The following KIF26B variants were observed in gnomAD, a reference collection of about 807,000 sequenced individuals.
KIF26B encodes kinesin family member 26B.
KIF26B carries 63 observed loss-of-function variants against 151.2 expected under a neutral mutation model. That is an observed-to-expected ratio of 0.42 (90% CI 0.34 to 0.51). KIF26B has a LOEUF of 0.51. Ranked by LOEUF, KIF26B falls within the 20% of genes least tolerant of loss-of-function variation. The probability of loss-of-function intolerance (pLI) is 0.07; values close to 1 mark genes in which losing one functional copy is unlikely to be tolerated. For synonymous variants in KIF26B, 1,357 were observed against 1,262.1 expected (o/e 1.08, Z -1.59); for missense variants, 2,813 against 2,913.6 (o/e 0.97, Z 0.79).
intron 4 of KIF26B, among the ~76,000 whole-genome samples, chr1:245,475,964 C>T (rs529368156): frequency 6.6e-6 from 1 of 151,972 alleles, no homozygotes; most frequent in South Asian, 2.1e-4. Flanking sequence ...CACGAATGTT[C>T]ATGGCAGCGT....
At chr1:245,225,504 A>G (rs1043381447) in intron 2 of KIF26B, among the ~76,000 whole-genome samples, 1 of 152,246 alleles carries the variant, frequency 6.6e-6, no homozygotes, top group Admixed American at 6.5e-5. Flanking sequence ...GCCGTGTCAG[A>G]GAAGAGGAAT....
chr1:245,155,912 T>G (rs2103514660), intron 1 of KIF26B, among the ~76,000 whole-genome samples: 1 of 150,448 alleles, frequency 6.6e-6, no homozygotes, highest in Non-Finnish European at 1.5e-5. Context: ...ACCCCCCCCA[T>G]AGGGTCTTCC....
chr1:245,572,551 C>T lies in KIF26B; in HGVS notation c.1351-30026C>T, dbSNP rs1337342576. 1.3e-5 allele frequency among the ~76,000 whole-genome samples: 2 copies of T among 152,134 alleles called. No individual in the cohort carries two copies. Among genetic ancestry groups the T allele is most frequent in the East Asian group, 1.9e-4 (1 of 5,192 alleles). ...TCCCGGTGAACACTCAGTTAAAATT[C>T]CTACTCGCTGCAGTGGGAAATTTTA... On this transcript the variant is annotated intron_variant, in intron 5 of 14. Coordinates refer to ENST00000407071, the MANE Select transcript of KIF26B (RefSeq NM_018012.4). This position sits in a 1 kb window ranked among gnomAD's most constrained non-coding sequence, Gnocchi z 4.2.
At chr1:245,220,637 C>T (rs1281414391) in intron 2 of KIF26B, among the ~76,000 whole-genome samples, 1 of 152,150 alleles carries the variant, frequency 6.6e-6, no homozygotes, top group Non-Finnish European at 1.5e-5. Context: ...GGTTGAGATC[C>T]ATTCTTTAAG....
At chr1:245,480,826 G>C (rs1282744242) in intron 4 of KIF26B, among the ~76,000 whole-genome samples, 1 of 149,552 alleles carries the variant, frequency 6.7e-6, no homozygotes, top group Non-Finnish European at 1.5e-5. Flanking sequence ...AGTTTGGATA[G>C]AAACCCTTAG....
intron 4 of KIF26B, among the ~76,000 whole-genome samples, chr1:245,445,395 A>G (rs774767435): frequency 4.6e-5 from 7 of 152,238 alleles, no homozygotes; most frequent in Non-Finnish European, 1.0e-4. Flanking sequence ...CTTTAGAGAT[A>G]TAGACTAAAA....
intron 10 of KIF26B, among the ~76,000 whole-genome samples, chr1:245,678,951 A>G (rs1243936409): frequency 1.3e-5 from 2 of 151,870 alleles, no homozygotes; most frequent in Non-Finnish European, 2.9e-5. Flanking sequence ...GTGTGCCTAC[A>G]GTTCATGTGC....
rs1021267406 is a variant in KIF26B, at chr1:245,239,083, G to C, written c.465+82400G>C. ...GCAAGAGTTGTATTTTCTGCCTCAC[G>C]TCGCTGTCCTTCTCCCAGCCCATTC... On this transcript the variant is annotated intron_variant, in intron 2 of 14. Coordinates refer to ENST00000407071, the MANE Select transcript of KIF26B (RefSeq NM_018012.4). This position sits in a 1 kb window ranked among gnomAD's most constrained non-coding sequence, Gnocchi z 4.3. Among the ~76,000 whole-genome samples, 1 of 152,068 alleles carries C rather than the reference G, an allele frequency of 6.6e-6. No homozygotes were observed. The highest frequency in any genetic ancestry group is 1.5e-5 in the Non-Finnish European group (1 of 68,020).
At position 245,238,148 on chromosome 1, in the gene KIF26B, C is replaced by T. The variant is rs183834633; in HGVS notation, c.465+81465C>T. 2.9e-4 allele frequency among the ~76,000 whole-genome samples: 44 copies of T among 152,214 alleles called. No homozygotes were observed. In the East Asian group the frequency reaches 7.0e-3, roughly 24 times the overall value. On this transcript the variant is annotated intron_variant, in intron 2 of 14. Coordinates refer to ENST00000407071, the MANE Select transcript of KIF26B (RefSeq NM_018012.4). ...AGGAGTTCAAGACCAGACTGACCAACATGGTGAGACCCCATCTCTACTAAA... is the reference window on the plus strand; with the variant it reads ...AGGAGTTCAAGACCAGACTGACCAATATGGTGAGACCCCATCTCTACTAAA...
chr1:245,469,268 G>C (rs1036680143), intron 4 of KIF26B, among the ~76,000 whole-genome samples: 3 of 152,168 alleles, frequency 2.0e-5, no homozygotes, highest in African/African-American at 7.2e-5. Flanking sequence ...CTGCACTGTG[G>C]CATCCAGAGA....
chr1:245,170,986 A>G lies in KIF26B; in HGVS notation c.465+14303A>G, dbSNP rs1035335424. On this transcript the variant is annotated intron_variant, in intron 2 of 14. Transcript: ENST00000407071. This position sits in a 1 kb window ranked among gnomAD's most constrained non-coding sequence, Gnocchi z 4.4. Reference sequence around the variant, plus strand: ...GTAACATGTGATTACATCCCAATGGAGTTGGGCATGAGAATAAGAAAGAAA... The same window carrying G: ...GTAACATGTGATTACATCCCAATGGGGTTGGGCATGAGAATAAGAAAGAAA... 6.6e-6 allele frequency among the ~76,000 whole-genome samples: 1 copy of G among 152,144 alleles called. No individual in the cohort carries two copies. Among genetic ancestry groups the G allele is most frequent in the Non-Finnish European group, 1.5e-5 (1 of 68,030 alleles).
chr1:245,201,426 T>C (rs748715353), intron 2 of KIF26B, among the ~76,000 whole-genome samples: 1 of 152,234 alleles, frequency 6.6e-6, no homozygotes, highest in Non-Finnish European at 1.5e-5. Flanking sequence ...GCGTTCTGAA[T>C]GCTTAGTATT....
At position 245,244,368 on chromosome 1, in the gene KIF26B, T is replaced by C. The variant is rs1341687243; in HGVS notation, c.465+87685T>C. Among the ~76,000 whole-genome samples, 1 of 152,172 alleles carries C rather than the reference T, an allele frequency of 6.6e-6. No homozygotes were observed. The highest frequency in any genetic ancestry group is 1.5e-5 in the Non-Finnish European group (1 of 68,034). On this transcript the variant is annotated intron_variant, in intron 2 of 14. Coordinates refer to ENST00000407071, the MANE Select transcript of KIF26B (RefSeq NM_018012.4). This position sits in a 1 kb window ranked among gnomAD's most constrained non-coding sequence, Gnocchi z 4.2. ...CGTCAGAGTCTCTTCTTGGGAAATA[T>C]GGAATGACGTCTTGCATATTGTCAT...
intron 10 of KIF26B, among the ~76,000 whole-genome samples, chr1:245,671,066 T>A (rs2044280674): frequency 6.6e-6 from 1 of 152,176 alleles, no homozygotes; most frequent in African/African-American, 2.4e-5. Context: ...TTGCTTTGAT[T>A]TTTAGGTCTC....
chr1:245,200,490 A>G (rs1669278307), intron 2 of KIF26B, among the ~76,000 whole-genome samples: 1 of 152,204 alleles, frequency 6.6e-6, no homozygotes, highest in Admixed American at 6.5e-5. Flanking sequence ...ATCCCAAGAG[A>G]ATGTGTCAAT....
At chr1:245,625,235 G>A (rs1022708381) in intron 9 of KIF26B, among the ~76,000 whole-genome samples, 1 of 152,008 alleles carries the variant, frequency 6.6e-6, no homozygotes. Context: ...AGTTGTTTTG[G>A]CTATTCAGTG....
Position 245,155,347 on chromosome 1 carries a change from G to C in KIF26B, c.-78G>C. 1 of 1,219,502 alleles carries C rather than the reference G, an allele frequency of 8.2e-7. No individual in the cohort carries two copies. The highest frequency in any genetic ancestry group is 1.2e-6 in the Non-Finnish European group (1 of 845,574). The allele number at this position is 1,219,502 out of a possible 1,614,324, so 75.5% of individuals were successfully genotyped here. ...CTGAGAGCCAGCCCCCTGCAGCCGG[G>C]GGACGCTTCTGGGTTGGAGGACCTT... is the stretch of plus-strand genomic sequence containing the variant. On this transcript the variant is annotated 5_prime_UTR_variant, in exon 1 of 15. Transcript: ENST00000407071.
rs371449297 is a variant in KIF26B, at chr1:245,600,322, G to A, written c.1351-2255G>A. Among the ~76,000 whole-genome samples, 556 of 144,730 alleles carry A rather than the reference G, an allele frequency of 3.8e-3. 6 individuals carry two copies. The highest frequency in any genetic ancestry group is 0.013 in the African/African-American group (510 of 39,418). 94.9% of individuals were successfully genotyped at this position (144,730 alleles called of 152,430 possible). A position where few individuals can be genotyped will look rare whatever the true frequency, so the allele number is the denominator to read the frequency against. ...CAAAGTGCTGGGATTACAGGCGTGA[G>A]CCACCACGCCTGGCCGTTTTGTTTT... On this transcript the variant is annotated intron_variant, in intron 5 of 14. Coordinates refer to ENST00000407071, the MANE Select transcript of KIF26B (RefSeq NM_018012.4).
chr1:245,604,252 C>T (rs143513082), intron 6 of KIF26B, among the ~76,000 whole-genome samples: 210 of 152,296 alleles, frequency 1.4e-3, no homozygotes, highest in African/African-American at 4.8e-3. Flanking sequence ...CAGAACCTGA[C>T]GACAACAGTG....
Sources: gnomAD v4.1 joint callset for allele counts (sites outside exome capture counted in the v4.1 genomes callset) on GRCh38, gnomAD v4.1.1 for gene constraint, Gnocchi (gnomAD v3.1) non-coding constraint, MANE v1.5 for transcripts, NCBI Gene and HGNC (gene_info 2026-07-23, HGNC 2026-07-21) for gene names.